The following NOL4 variants were observed in gnomAD, a reference collection of about 807,000 sequenced individuals.
The protein encoded by NOL4 is cancer/testis antigen 125.
A neutral mutation model predicts 75.9 loss-of-function variants in NOL4; 17 were observed. The ratio of observed to expected loss-of-function variants is 0.22; its 90% CI spans 0.15 to 0.34. The LOEUF (loss-of-function observed/expected upper bound fraction) is 0.34, where lower values mean the gene tolerates loss of function less well. Among genes scored for constraint, NOL4 ranks in the 10% least tolerant of loss-of-function variants. NOL4 has a pLI of 1.00. For synonymous variants in NOL4, 292 were observed against 289.9 expected, an observed-to-expected ratio of 1.01 and a Z score of -0.07; for missense variants, 614 against 793.5, an observed-to-expected ratio of 0.77 and a Z score of 2.72.
intron 4 of NOL4, among the ~76,000 whole-genome samples, chr18:34,095,390 A>G (rs2078731298): frequency 6.6e-6 from 1 of 152,008 alleles, no homozygotes; most frequent in African/African-American, 2.4e-5. Flanking sequence ...ATATATACAC[A>G]CGTTGATAGA....
intron 5 of NOL4, among the ~76,000 whole-genome samples, chr18:34,057,395 C>A (rs1299394879): frequency 1.3e-5 from 2 of 152,136 alleles, no homozygotes; most frequent in African/African-American, 4.8e-5. Flanking sequence ...TTACATTGGG[C>A]TCCTAAGGTT....
intron 6 of NOL4, among the ~76,000 whole-genome samples, chr18:33,980,268 T>C (rs535799043): frequency 6.6e-6 from 1 of 152,078 alleles, no homozygotes; most frequent in South Asian, 2.1e-4. Context: ...AAGCTCAGTG[T>C]GATGGACAAG....
chr18:34,007,552 G>T (rs1240377871), intron 6 of NOL4, among the ~76,000 whole-genome samples: 1 of 151,894 alleles, frequency 6.6e-6, no homozygotes, highest in Non-Finnish European at 1.5e-5. Flanking sequence ...TCCCTATTTT[G>T]TTATGAACAT....
At chr18:33,967,847 G>A (rs1278794879) in intron 6 of NOL4, among the ~76,000 whole-genome samples, 2 of 152,138 alleles carry the variant, frequency 1.3e-5, no homozygotes, top group South Asian at 2.1e-4. Context: ...CCAGCACTTG[G>A]GGGGCCGAGG....
intron 5 of NOL4, chr18:34,048,465 A>G (rs1421227439): frequency 3.0e-6 from 3 of 985,286 alleles, no homozygotes; most frequent in African/African-American, 3.5e-5. Context: ...CAACTTAAAT[A>G]CCAATGTCTG....
At chr18:34,222,261 G>C (rs954528544) in intron 1 of NOL4, 1 of 1,377,566 alleles carries the variant, frequency 7.3e-7, no homozygotes, top group African/African-American at 1.5e-5. Context: ...CACACCATTC[G>C]ATAGCGCCTA....
intron 10 of NOL4, among the ~76,000 whole-genome samples, chr18:33,871,249 C>T (rs1186140761): frequency 6.6e-6 from 1 of 152,006 alleles, no homozygotes; most frequent in Non-Finnish European, 1.5e-5. Flanking sequence ...AGCATGACTA[C>T]ACTCTTGGAA....
chr18:34,201,357 G>A (rs1401099669), intron 1 of NOL4, among the ~76,000 whole-genome samples: 2 of 151,710 alleles, frequency 1.3e-5, no homozygotes, highest in Non-Finnish European at 3.0e-5. Context: ...CTTGCCACAA[G>A]TCCCACAGCC....
intron 6 of NOL4, among the ~76,000 whole-genome samples, chr18:34,002,447 T>C (rs2073781393): frequency 6.6e-6 from 1 of 152,180 alleles, no homozygotes; most frequent in Non-Finnish European, 1.5e-5. Flanking sequence ...TATTATACCT[T>C]CTGGAGAAGA....
chr18:34,077,791 G>C (rs2077817794), intron 5 of NOL4, among the ~76,000 whole-genome samples: 1 of 152,098 alleles, frequency 6.6e-6, no homozygotes, highest in Non-Finnish European at 1.5e-5. Context: ...GTGGTTATTA[G>C]AGTAACTGAT....
intron 1 of NOL4, among the ~76,000 whole-genome samples, chr18:34,199,151 T>G (rs575101100): frequency 4.0e-5 from 6 of 151,362 alleles, no homozygotes; most frequent in Admixed American, 6.6e-5. Context: ...AGAAGTTTTT[T>G]TTTTTTTTTT....
chr18:34,134,459 CA>C, intron 1 of NOL4, among the ~76,000 whole-genome samples: 1 of 133,052 alleles, frequency 7.5e-6, no homozygotes, highest in Non-Finnish European at 1.6e-5. Flanking sequence ...CACACACACA[CA>C]CACACACACA....
intron 6 of NOL4, among the ~76,000 whole-genome samples, chr18:33,968,010 C>G (rs1351552412): frequency 2.0e-5 from 3 of 152,008 alleles, no homozygotes; most frequent in Admixed American, 6.6e-5. Context: ...GGCTTGAACC[C>G]GGAAGGCTGA....
chr18:34,213,260 C>T (rs1388390365), intron 1 of NOL4, among the ~76,000 whole-genome samples: 1 of 152,018 alleles, frequency 6.6e-6, no homozygotes, highest in Non-Finnish European at 1.5e-5. Context: ...GTGATTAGGT[C>T]CTGAGGGCTC....
intron 5 of NOL4, among the ~76,000 whole-genome samples, chr18:34,061,168 G>GT (rs754459347): frequency 2.2e-4 from 34 of 152,076 alleles, no homozygotes; most frequent in Middle Eastern, 3.2e-3. Flanking sequence ...ATATAAAAAT[G>GT]TAAGAGAGAA....
intron 1 of NOL4, among the ~76,000 whole-genome samples, chr18:34,165,733 A>C (rs1385395644): frequency 2.0e-5 from 3 of 152,100 alleles, no homozygotes; most frequent in African/African-American, 7.2e-5. Context: ...CAAATACGTA[A>C]TTTTTATTAA....
intron 8 of NOL4, among the ~76,000 whole-genome samples, chr18:33,952,900 G>A (rs932983970): frequency 1.3e-5 from 2 of 152,076 alleles, no homozygotes; most frequent in East Asian, 3.9e-4. Context: ...CTCCAGCCTG[G>A]GCAACAAGAG....
chr18:34,071,938 A>G (rs905356303), intron 5 of NOL4, among the ~76,000 whole-genome samples: 25 of 152,188 alleles, frequency 1.6e-4, no homozygotes, highest in African/African-American at 5.8e-4. Flanking sequence ...CAGTTTAAAG[A>G]TAAAATGAAA....
rs185296582 is a variant in NOL4, at chr18:34,086,229, G to C, written c.772+7236C>G. ...AGTGTATGCAAATTAAAAAGTGAGA[G>C]TAAAAACACTATTAGGAACGAATTC... On this transcript the variant is annotated intron_variant, in intron 5 of 10. Transcript: ENST00000261592. Among the ~76,000 whole-genome samples, 359 of 152,168 alleles carry C rather than the reference G, an allele frequency of 2.4e-3. 2 individuals carry two copies. Among genetic ancestry groups the C allele is most frequent in the African/African-American group, 8.1e-3 (336 of 41,542 alleles).
Sources: allele counts gnomAD v4.1 joint callset (sites outside exome capture counted in the v4.1 genomes callset), GRCh38; gene constraint gnomAD v4.1.1; transcripts MANE v1.5; gene names NCBI Gene and HGNC (gene_info 2026-07-23, HGNC 2026-07-21).